DLC1: variants seen among roughly 807,000 people sequenced by gnomAD.
DLC1 encodes the protein DLC1 Rho GTPase activating protein.
In DLC1, 54 loss-of-function variants were observed where a neutral mutation model predicts 140.3. The observed-to-expected ratio is 0.38, with a 90% CI of 0.31 to 0.48. DLC1 has a LOEUF of 0.48. Among genes scored for constraint, DLC1 ranks in the 20% least tolerant of loss-of-function variants. The pLI is 0.96. For synonymous variants in DLC1, 986 were observed against 728.1 expected (o/e 1.35, Z -5.70); for missense variants, 2,536 against 1,907.0 (o/e 1.33, Z -6.14).
At chr8:13,389,330 C>T (rs1054659548) in intron 4 of DLC1, among the ~76,000 whole-genome samples, 1 of 152,098 alleles carries the variant, frequency 6.6e-6, no homozygotes, top group African/African-American at 2.4e-5. Context: ...ACTCAAGCCA[C>T]TGAAGAGAGT....
intron 3 of DLC1, among the ~76,000 whole-genome samples, chr8:13,394,670 C>T (rs183876486): frequency 7.2e-5 from 11 of 152,222 alleles, no homozygotes; most frequent in Admixed American, 7.2e-4. Flanking sequence ...CTCAACTTTG[C>T]CGTGGTTCAC....
intron 3 of DLC1, among the ~76,000 whole-genome samples, chr8:13,398,101 A>G (rs994168674): frequency 6.6e-6 from 1 of 151,764 alleles, no homozygotes; most frequent in African/African-American, 2.4e-5. Context: ...ACTGCACTCT[A>G]GCCTGGTGAC....
intron 2 of DLC1, among the ~76,000 whole-genome samples, chr8:13,447,463 T>A (rs1005590000): frequency 3.9e-5 from 6 of 152,210 alleles, no homozygotes; most frequent in African/African-American, 1.4e-4. Context: ...AATATTTTAT[T>A]GTTATTAACC....
chr8:13,393,506 C>T (rs1399714280), intron 4 of DLC1, 47 bp downstream of exon 4: 7 of 1,568,904 alleles, frequency 4.5e-6, no homozygotes, highest in South Asian at 2.4e-5. Flanking sequence ...ACCTGATGAT[C>T]ATCAACATTT....
chr8:13,157,867 C>A (rs1385498014), intron 5 of DLC1, among the ~76,000 whole-genome samples: 2 of 152,178 alleles, frequency 1.3e-5, no homozygotes, highest in Non-Finnish European at 2.9e-5. Context: ...TTTCTATTTA[C>A]CACACAACAT....
intron 5 of DLC1, among the ~76,000 whole-genome samples, chr8:13,195,546 G>A (rs762511816): frequency 1.4e-4 from 21 of 152,202 alleles, no homozygotes; most frequent in Non-Finnish European, 3.1e-4. Context: ...AGGAGATTCA[G>A]AGAAAATTTT....
chr8:13,258,805 A>T lies in DLC1; in HGVS notation c.1348+46464T>A, dbSNP rs139230966. ...TGGGTGGGAGACTGTCTGGAGCTAG[A>T]CTCTAGAATACTCAATTTCATTTTC... On this transcript the variant is annotated intron_variant, in intron 5 of 17. Coordinates refer to ENST00000276297, the MANE Select transcript of DLC1 (RefSeq NM_182643.3). 3.4e-3 allele frequency among the ~76,000 whole-genome samples: 520 copies of T among 152,072 alleles called. 5 individuals carry two copies. The highest frequency in any genetic ancestry group is 0.012 in the African/African-American group (504 of 41,464).
intron 2 of DLC1, among the ~76,000 whole-genome samples, chr8:13,496,115 A>G (rs1395609599): frequency 1.3e-5 from 2 of 152,278 alleles, no homozygotes; most frequent in East Asian, 1.9e-4. Context: ...CCACTTGACC[A>G]TTTGCCACTG....
chr8:13,255,910 G>A (rs1244042700), intron 5 of DLC1, among the ~76,000 whole-genome samples: 1 of 152,156 alleles, frequency 6.6e-6, no homozygotes, highest in Non-Finnish European at 1.5e-5. Flanking sequence ...TACCAGTCTT[G>A]AAAGCAGGGC....
chr8:13,454,689 G>A (rs1384716361), intron 2 of DLC1, among the ~76,000 whole-genome samples: 1 of 152,106 alleles, frequency 6.6e-6, no homozygotes, highest in Non-Finnish European at 1.5e-5. Flanking sequence ...CAAGTAGCTG[G>A]AACTATAGGT....
intron 5 of DLC1, among the ~76,000 whole-genome samples, chr8:13,281,956 G>C (rs1382544584): frequency 1.3e-5 from 2 of 152,104 alleles, no homozygotes; most frequent in Non-Finnish European, 2.9e-5. Context: ...TTGTGATCTT[G>C]GGACAGCATT....
chr8:13,126,194 C>T (rs958515194), intron 5 of DLC1, among the ~76,000 whole-genome samples: 2 of 152,080 alleles, frequency 1.3e-5, no homozygotes, highest in South Asian at 2.1e-4. Flanking sequence ...CAGAAAATAT[C>T]TCCCAAATAA....
At chr8:13,142,923 C>G (rs1011884960) in intron 5 of DLC1, among the ~76,000 whole-genome samples, 1 of 152,088 alleles carries the variant, frequency 6.6e-6, no homozygotes, top group African/African-American at 2.4e-5. Flanking sequence ...GTGGCACATT[C>G]CTGTAATCCC....
At chr8:13,171,068 G>A (rs548185246) in intron 5 of DLC1, among the ~76,000 whole-genome samples, 1 of 152,306 alleles carries the variant, frequency 6.6e-6, no homozygotes, top group South Asian at 2.1e-4. Flanking sequence ...CTGAATCAGG[G>A]AGAGAAACTA....
intron 5 of DLC1, 55 bp from the exon 6 acceptor site, chr8:13,115,712 T>G: frequency 6.4e-7 from 1 of 1,552,888 alleles, no homozygotes. Context: ...GCCATGCTTA[T>G]TTTTCCTGAA....
At chr8:13,261,890 C>T (rs1830484180) in intron 5 of DLC1, among the ~76,000 whole-genome samples, 1 of 152,178 alleles carries the variant, frequency 6.6e-6, no homozygotes, top group Non-Finnish European at 1.5e-5. Flanking sequence ...ATAACAGAAT[C>T]TACTTCACAG....
intron 1 of DLC1, among the ~76,000 whole-genome samples, chr8:13,571,135 G>T (rs905695245): frequency 6.6e-6 from 1 of 152,154 alleles, no homozygotes; most frequent in African/African-American, 2.4e-5. Flanking sequence ...GCTGTTTTAT[G>T]CAAATACGAA....
At chr8:13,547,657 G>A (rs930431906) in intron 1 of DLC1, among the ~76,000 whole-genome samples, 2 of 151,970 alleles carry the variant, frequency 1.3e-5, no homozygotes, top group Non-Finnish European at 2.9e-5. Flanking sequence ...AATTTGTCAA[G>A]GTTAGAAAAT....
intron 4 of DLC1, among the ~76,000 whole-genome samples, chr8:13,357,795 AT>A (rs1277449565): frequency 2.0e-5 from 3 of 152,120 alleles, no homozygotes; most frequent in Non-Finnish European, 4.4e-5. Context: ...GAAGACACCT[AT>A]TTTTTTCAAT....
Sources: gnomAD v4.1 joint callset for allele counts (sites outside exome capture counted in the v4.1 genomes callset) on GRCh38, gnomAD v4.1.1 for gene constraint, MANE v1.5 for transcripts, NCBI Gene and HGNC (gene_info 2026-07-23, HGNC 2026-07-21) for gene names.